The following EML5 variants were observed in gnomAD, a reference collection of about 807,000 sequenced individuals.
EML5 encodes echinoderm microtubule-associated protein-like 5.
EML5 carries 120 observed loss-of-function variants against 250.0 expected under a neutral mutation model. The observed-to-expected ratio is 0.48, with a 90% confidence interval of 0.41 to 0.56. EML5 has a LOEUF of 0.56. EML5 is among the 20% of genes least tolerant of loss of function. The pLI is 0.00. For synonymous variants in EML5, 771 were observed against 806.5 expected, an observed-to-expected ratio of 0.96 and a Z score of 0.75; for missense variants, 2,006 against 2,437.6, an observed-to-expected ratio of 0.82 and a Z score of 3.73.
At chr14:88,647,687 CAAAAAAAAAA>C (rs34191990) in intron 28 of EML5, among the ~76,000 whole-genome samples, 8 of 48,744 alleles carry the variant, frequency 1.6e-4, no homozygotes, top group Non-Finnish European at 3.1e-4. Flanking sequence ...GAGACCGTCT[CAAAAAAAAAA>C]AAAAAAAAAA....
Position 88,688,482 on chromosome 14 carries a change from CA to C in EML5, c.2540-10del. 3 of 1,610,036 alleles carry C rather than the reference CA, an allele frequency of 1.9e-6. No homozygotes were observed. The highest frequency in any genetic ancestry group is 2.5e-6 in the Non-Finnish European group (3 of 1,178,766). ...TCCAATCAATCCTCCCCCTAGTTCA[CA>C]AAAAATATTATGAAAGTACCACTTT... On this transcript the variant is annotated splice_polypyrimidine_tract_variant and intron_variant, in intron 17 of 43. Transcript: ENST00000554922.
intron 1 of EML5, among the ~76,000 whole-genome samples, chr14:88,764,319 T>G (rs551072949): frequency 1.1e-4 from 17 of 152,340 alleles, no homozygotes; most frequent in African/African-American, 4.1e-4. Context: ...TGTGTGGAAT[T>G]GGAATCATTT....
chr14:88,637,582 C>T (rs1235596336), intron 32 of EML5, among the ~76,000 whole-genome samples: 2 of 152,074 alleles, frequency 1.3e-5, no homozygotes, highest in Admixed American at 1.3e-4. Context: ...AGGGATTTTG[C>T]CTTTTTGTAA....
Position 88,658,222 on chromosome 14 carries a change from C to T in EML5, c.3842G>A (p.Ser1281Asn), listed in dbSNP as rs2091943046. 2 of 1,613,770 alleles carry T rather than the reference C, an allele frequency of 1.2e-6. No homozygotes were observed. Among genetic ancestry groups the T allele is most frequent in the Non-Finnish European group, 1.7e-6 (2 of 1,179,814 alleles). ...TTCAGAATCAATGTCGGATTCTTCACTATCACAAGGCCTTTTTTCTCGATA... is the reference window on the plus strand; with the variant it reads ...TTCAGAATCAATGTCGGATTCTTCATTATCACAAGGCCTTTTTTCTCGATA... ...EGYREKRPCDSEESDIDSEED... is the reference protein window; with the variant it reads ...EGYREKRPCDNEESDIDSEED... Residue 1281 changes from serine (S) to asparagine (N), a missense_variant, in exon 26 of 44, where the codon AGT becomes AAT. By Grantham distance (46) the Ser-to-Asn change is conservative. This residue lies in a region of EML5 where 1,375 missense variants were observed against 1,590.3 expected (regional missense o/e 0.86). Coordinates refer to ENST00000554922, the MANE Select transcript of EML5 (RefSeq NM_183387.3).
intron 29 of EML5, among the ~76,000 whole-genome samples, chr14:88,646,537 A>G (rs1942723900): frequency 6.6e-6 from 1 of 152,136 alleles, no homozygotes; most frequent in African/African-American, 2.4e-5. Context: ...ATTCTATGTT[A>G]CTGTCTGACA....
chr14:88,731,383 A>G (rs1468947830), intron 7 of EML5, among the ~76,000 whole-genome samples: 1 of 151,932 alleles, frequency 6.6e-6, no homozygotes, highest in Non-Finnish European at 1.5e-5. Flanking sequence ...CCATGTCCCT[A>G]CAAAGGACAT....
At chr14:88,693,667 A>C (rs768655145) in intron 17 of EML5, among the ~76,000 whole-genome samples, 1 of 152,182 alleles carries the variant, frequency 6.6e-6, no homozygotes, top group Non-Finnish European at 1.5e-5. Flanking sequence ...TTAAAAAATA[A>C]ACTAATTTTA....
At position 88,672,860 on chromosome 14, in the gene EML5, G is replaced by A. The variant is rs368972507; in HGVS notation, c.3125-7371C>T. ...CAGGAAGAAGTTGAATCCCTGAATAGACCAATAACAGTTCTGAAATTTAGG... is the reference window on the plus strand; with the variant it reads ...CAGGAAGAAGTTGAATCCCTGAATAAACCAATAACAGTTCTGAAATTTAGG... On this transcript the variant is annotated intron_variant, in intron 21 of 43. Coordinates refer to ENST00000554922, the MANE Select transcript of EML5 (RefSeq NM_183387.3). Among the ~76,000 whole-genome samples, 14 of 152,210 alleles carry A rather than the reference G, an allele frequency of 9.2e-5. No homozygotes were observed. In the South Asian group the frequency reaches 2.9e-3, roughly 32 times the overall value.
chr14:88,699,621 A>G (rs959102552), intron 14 of EML5, among the ~76,000 whole-genome samples: 10 of 152,210 alleles, frequency 6.6e-5, no homozygotes, highest in Non-Finnish European at 7.3e-5. Flanking sequence ...CAATGGCTAT[A>G]GTAATGTTTT....
intron 33 of EML5, among the ~76,000 whole-genome samples, chr14:88,628,260 T>C (rs1341419362): frequency 6.6e-6 from 1 of 152,022 alleles, no homozygotes; most frequent in Non-Finnish European, 1.5e-5. Flanking sequence ...CAGACACAAA[T>C]AGACAAAGGC....
intron 9 of EML5, 110 bp from the exon 10 acceptor site, chr14:88,712,593 C>T: frequency 1.3e-6 from 1 of 775,520 alleles, no homozygotes; most frequent in African/African-American, 1.7e-5. Flanking sequence ...TCTTCCCACC[C>T]CACTTAGAGG....
chr14:88,751,918 T>C (rs10129842), intron 2 of EML5, among the ~76,000 whole-genome samples: 97,241 of 152,074 alleles, frequency 0.64, 33,102 homozygotes, highest in East Asian at 0.94. Flanking sequence ...TTTTAGCACA[T>C]CAAATATTTA....
rs760362221 is a variant in EML5, at chr14:88,746,169, A to C, written c.456+16T>G. 12 of 1,596,980 alleles carry C rather than the reference A, an allele frequency of 7.5e-6. No homozygotes were observed. The South Asian group carries it at 1.3e-4, about 18-fold the overall frequency. The stretch of plus-strand genomic sequence containing the variant: ...CCTTCCAGTACTCATTAGAAATCTC[A>C]AAAGAGAATACTTACTCTATCTGTA... On this transcript the variant is annotated intron_variant, in intron 3 of 43. Coordinates refer to ENST00000554922, the MANE Select transcript of EML5 (RefSeq NM_183387.3).
At chr14:88,656,760 T>TA (rs1233532307) in intron 27 of EML5, among the ~76,000 whole-genome samples, 1 of 152,110 alleles carries the variant, frequency 6.6e-6, no homozygotes, top group Non-Finnish European at 1.5e-5. Context: ...TGACTATGCT[T>TA]AAAGAAAGGC....
intron 14 of EML5, among the ~76,000 whole-genome samples, chr14:88,701,962 G>GT (rs1490267660): frequency 6.6e-6 from 1 of 152,104 alleles, no homozygotes; most frequent in Non-Finnish European, 1.5e-5. Context: ...ATATAGAGAG[G>GT]TATCAGTTAA....
chr14:88,624,816 T>C (rs2089670797), intron 36 of EML5, 154 bp downstream of exon 36: 1 of 833,526 alleles, frequency 1.2e-6, no homozygotes, highest in Non-Finnish European at 1.8e-6. Context: ...GAGAATCAAA[T>C]AGAAGGCACA....
chr14:88,657,258 T>C (rs900010801), intron 27 of EML5, 118 bp downstream of exon 27: 1 of 1,002,652 alleles, frequency 1.0e-6, no homozygotes, highest in Non-Finnish European at 1.4e-6. Context: ...GTGCTGTGAA[T>C]TGTCTATAGC....
At chr14:88,732,598 A>G (rs1439755137) in intron 7 of EML5, among the ~76,000 whole-genome samples, 2 of 152,182 alleles carry the variant, frequency 1.3e-5, no homozygotes, top group Non-Finnish European at 2.9e-5. Context: ...TTCTGTGAAG[A>G]AAGTCATTGG....
intron 7 of EML5, among the ~76,000 whole-genome samples, chr14:88,730,748 T>A (rs994227542): frequency 6.6e-6 from 1 of 152,134 alleles, no homozygotes; most frequent in Non-Finnish European, 1.5e-5. Context: ...TTCAAAATCA[T>A]TGAGAAAACA....
Sources: gnomAD v4.1 joint callset for allele counts (sites outside exome capture counted in the v4.1 genomes callset) on GRCh38, gnomAD v4.1.1 for gene constraint, gnomAD v4.1.1 regional missense constraint, MANE v1.5 for transcripts, NCBI Gene and HGNC (gene_info 2026-07-23, HGNC 2026-07-21) for gene names.